The following CFAP206 variants were observed in gnomAD, a reference collection of about 807,000 sequenced individuals.
CFAP206 encodes the protein cilia and flagella associated protein 206.
A neutral mutation model predicts 65.4 loss-of-function variants in CFAP206; 53 were observed. The observed-to-expected ratio is 0.81, with a 90% confidence interval of 0.65 to 1.02. The LOEUF (loss-of-function observed/expected upper bound fraction) is 1.02. CFAP206 is among the 50% of genes least tolerant of loss of function. CFAP206 has a pLI of 0.00. For synonymous variants in CFAP206, 250 were observed against 254.4 expected (o/e 0.98, Z 0.17); for missense variants, 663 against 753.2 (o/e 0.88, Z 1.40).
At chr6:87,461,286 C>CCTG in intron 12 of CFAP206, 121 bp downstream of exon 12, 1 of 588,154 alleles carries the variant, frequency 1.7e-6, no homozygotes. Flanking sequence ...GAGTTCTTTG[C>CCTG]TAACAAAAAT....
At chr6:87,422,830 G>A (rs115738012) in intron 7 of CFAP206, among the ~76,000 whole-genome samples, 2 of 151,942 alleles carry the variant, frequency 1.3e-5, no homozygotes, top group African/African-American at 4.8e-5. Context: ...TGTAAGTAGA[G>A]TAATTTCTAG....
At chr6:87,437,375 C>CG (rs201420785) in intron 11 of CFAP206, among the ~76,000 whole-genome samples, 77 of 136,448 alleles carry the variant, frequency 5.6e-4, no homozygotes, top group Middle Eastern at 3.7e-3. Flanking sequence ...TAACTTTTGC[C>CG]GTTTTTTTTT....
At chr6:87,451,223 G>A (rs991746831) in intron 11 of CFAP206, among the ~76,000 whole-genome samples, 2 of 152,200 alleles carry the variant, frequency 1.3e-5, no homozygotes, top group African/African-American at 4.8e-5. Flanking sequence ...CGGTAGACAA[G>A]GGAGTGCTTG....
intron 10 of CFAP206, among the ~76,000 whole-genome samples, chr6:87,434,418 C>CAA (rs11435368): frequency 4.9e-5 from 5 of 102,352 alleles, no homozygotes; most frequent in African/African-American, 1.5e-4. Flanking sequence ...GACACAGTCT[C>CAA]AAAAAAAAAA....
At chr6:87,408,478 CACACA>C (rs1767667210) in intron 1 of CFAP206, 1 of 72,606 alleles carries the variant, frequency 1.4e-5, no homozygotes, top group Non-Finnish European at 2.9e-5. Context: ...CCGGAGCGCG[CACACA>C]GATCCGGAGC....
intron 7 of CFAP206, among the ~76,000 whole-genome samples, chr6:87,425,134 G>A (rs890691505): frequency 6.6e-6 from 1 of 152,120 alleles, no homozygotes; most frequent in Non-Finnish European, 1.5e-5. Context: ...TATTTTATAA[G>A]CCTCAGAAGG....
intron 11 of CFAP206, among the ~76,000 whole-genome samples, chr6:87,452,685 A>C (rs541890304): frequency 6.6e-6 from 1 of 152,224 alleles, no homozygotes; most frequent in East Asian, 1.9e-4. Flanking sequence ...AAATCTGACA[A>C]ATCAAAGAAT....
At chr6:87,423,744 G>C (rs1215586529) in intron 7 of CFAP206, among the ~76,000 whole-genome samples, 1 of 152,134 alleles carries the variant, frequency 6.6e-6, no homozygotes, top group Non-Finnish European at 1.5e-5. Flanking sequence ...AACTCTATGA[G>C]GGTAGACAAG....
At chr6:87,448,495 T>A (rs1165048781) in intron 11 of CFAP206, among the ~76,000 whole-genome samples, 2 of 152,206 alleles carry the variant, frequency 1.3e-5, no homozygotes, top group Admixed American at 1.3e-4. Context: ...GTTTACTACT[T>A]CTTTGTGTTG....
chr6:87,456,670 G>T (rs981133610), intron 11 of CFAP206, among the ~76,000 whole-genome samples: 1 of 152,144 alleles, frequency 6.6e-6, no homozygotes, highest in Non-Finnish European at 1.5e-5. Flanking sequence ...CAGTAAAGTT[G>T]CAGAATACGA....
intron 11 of CFAP206, among the ~76,000 whole-genome samples, chr6:87,443,286 T>C (rs1305149148): frequency 6.6e-6 from 1 of 152,182 alleles, no homozygotes; most frequent in African/African-American, 2.4e-5. Flanking sequence ...GTTTAAACTC[T>C]ACATTATCTT....
chr6:87,458,386 T>C (rs531600132), intron 11 of CFAP206, among the ~76,000 whole-genome samples: 2 of 152,268 alleles, frequency 1.3e-5, no homozygotes, highest in South Asian at 4.1e-4. Flanking sequence ...ATTACAGCAC[T>C]ATCCACAGTA....
chr6:87,454,844 C>CAAAA (rs200119526), intron 11 of CFAP206, among the ~76,000 whole-genome samples: 7 of 89,672 alleles, frequency 7.8e-5, no homozygotes, highest in East Asian at 3.4e-4. Flanking sequence ...GACTCTGTCT[C>CAAAA]AAAAAAAAAA....
chr6:87,433,372 G>C (rs961399731), intron 10 of CFAP206, among the ~76,000 whole-genome samples: 9 of 152,136 alleles, frequency 5.9e-5, no homozygotes, highest in African/African-American at 1.9e-4. Context: ...TTGGATAAAT[G>C]AAAGAATAAA....
intron 7 of CFAP206, among the ~76,000 whole-genome samples, chr6:87,422,348 G>T (rs1767954989): frequency 6.6e-6 from 1 of 151,536 alleles, no homozygotes; most frequent in South Asian, 2.1e-4. Flanking sequence ...TACTCGAGAG[G>T]CTGAGGCAGG....
chr6:87,457,547 G>C (rs1390309082), intron 11 of CFAP206, among the ~76,000 whole-genome samples: 2 of 152,176 alleles, frequency 1.3e-5, no homozygotes, highest in African/African-American at 4.8e-5. Flanking sequence ...AAACAAAGGT[G>C]CCAAGAATAT....
rs188118986 is a variant in CFAP206 at position 87,430,890 on chromosome 6, G to A, written c.1160-143G>A. On this transcript the variant is annotated intron_variant, in intron 9 of 12. Coordinates refer to ENST00000369562, the MANE Select transcript of CFAP206 (RefSeq NM_001031743.3). Reference sequence around the variant, plus strand: ...TTGAATAGACTTCCTCATAAATCTGGTTTTGTGAATATCAAGTTTTTGCCC... The same window carrying A: ...TTGAATAGACTTCCTCATAAATCTGATTTTGTGAATATCAAGTTTTTGCCC... 25 of 701,946 alleles carry A rather than the reference G, an allele frequency of 3.6e-5. No individual in the cohort carries two copies. In the African/African-American group the frequency reaches 3.8e-4, roughly 11 times the overall value. The allele number at this position is 701,946 out of a possible 1,614,324, so 43.5% of individuals were successfully genotyped here.
chr6:87,412,879 C>G (rs544627258), intron 3 of CFAP206, among the ~76,000 whole-genome samples: 2 of 152,092 alleles, frequency 1.3e-5, no homozygotes, highest in Non-Finnish European at 2.9e-5. Context: ...AGGCTGGTCT[C>G]GAACTCCTGA....
At chr6:87,449,505 G>A (rs1370493227) in intron 11 of CFAP206, among the ~76,000 whole-genome samples, 2 of 147,506 alleles carry the variant, frequency 1.4e-5, no homozygotes, top group African/African-American at 5.0e-5. Flanking sequence ...GTTGTTTTCT[G>A]TCTTTTTTAT....
Sources: gnomAD v4.1 joint callset for allele counts (sites outside exome capture counted in the v4.1 genomes callset) on GRCh38, gnomAD v4.1.1 for gene constraint, MANE v1.5 for transcripts, NCBI Gene and HGNC (gene_info 2026-07-23, HGNC 2026-07-21) for gene names.